BLTP3B: variants seen among roughly 807,000 people sequenced by gnomAD.
BLTP3B encodes UHRF1 (ICBP90) binding protein 1-like.
chr12:100,124,979 T>TATATATATATATAC, the BLTP3B span, among the ~76,000 whole-genome samples: 3 of 114,318 alleles, frequency 2.6e-5, no homozygotes. Context: ...TATATATATA[T>TATATATATATATAC]TTATATTTAT....
chr12:100,086,899 G>A, the BLTP3B span, among the ~76,000 whole-genome samples: 9 of 152,122 alleles, frequency 5.9e-5, no homozygotes, highest in Non-Finnish European at 1.0e-4. Flanking sequence ...GGTGGCTCAC[G>A]CCTGTCATCC....
At chr12:100,092,808 C>A in the BLTP3B span, 1 of 775,186 alleles carries the variant, frequency 1.3e-6, no homozygotes, top group Non-Finnish European at 1.6e-6. Context: ...CAAGTCTTAA[C>A]AGAATAGTAT....
the BLTP3B span, among the ~76,000 whole-genome samples, chr12:100,084,190 A>G: frequency 3.7e-3 from 560 of 151,996 alleles, 7 homozygotes; most frequent in African/African-American, 0.013. Context: ...CCCTGTCTCA[A>G]AGAAAAAAAA....
chr12:100,083,025 A>G, the BLTP3B span: 2 of 1,612,494 alleles, frequency 1.2e-6, no homozygotes, highest in African/African-American at 1.3e-5. Flanking sequence ...CCTGGTATAT[A>G]TTGAAATCTG....
the BLTP3B span, among the ~76,000 whole-genome samples, chr12:100,119,162 CAG>C: frequency 2.6e-5 from 4 of 151,872 alleles, no homozygotes. Flanking sequence ...TAGCAACAAT[CAG>C]AAACTGAATA....
At chr12:100,046,956 G>A in the BLTP3B span, among the ~76,000 whole-genome samples, 1 of 152,048 alleles carries the variant, frequency 6.6e-6, no homozygotes, top group East Asian at 1.9e-4. Flanking sequence ...AAGATCAAAG[G>A]CCTCTCTCAC....
At chr12:100,107,460 C>A in the BLTP3B span, among the ~76,000 whole-genome samples, 2 of 151,312 alleles carry the variant, frequency 1.3e-5, no homozygotes, top group East Asian at 3.9e-4. Flanking sequence ...ATGGTGAAAC[C>A]CCATCTCTAC....
the BLTP3B span, among the ~76,000 whole-genome samples, chr12:100,043,608 C>G: frequency 4.6e-5 from 7 of 152,290 alleles, no homozygotes; most frequent in African/African-American, 1.7e-4. Context: ...AATGCTGTTT[C>G]TATTTGCCAT....
the BLTP3B span, among the ~76,000 whole-genome samples, chr12:100,131,713 C>T: frequency 2.6e-5 from 4 of 152,116 alleles, no homozygotes; most frequent in African/African-American, 9.7e-5. Flanking sequence ...TATAACTACT[C>T]GATTTTCACT....
At chr12:100,081,148 G>A in the BLTP3B span, among the ~76,000 whole-genome samples, 2 of 152,100 alleles carry the variant, frequency 1.3e-5, no homozygotes, top group Non-Finnish European at 2.9e-5. Context: ...TGTATGTCTA[G>A]TAAACCTCTT....
chr12:100,074,668 A>C, the BLTP3B span, among the ~76,000 whole-genome samples: 1 of 152,136 alleles, frequency 6.6e-6, no homozygotes, highest in East Asian at 1.9e-4. Flanking sequence ...AACTACAAAC[A>C]TCATTTTGCA....
At chr12:100,066,574 A>T in the BLTP3B span, among the ~76,000 whole-genome samples, 1 of 151,922 alleles carries the variant, frequency 6.6e-6, no homozygotes, top group Non-Finnish European at 1.5e-5. Flanking sequence ...CAGCCAGATC[A>T]CAAGGTCAGG....
the BLTP3B span, chr12:100,058,902 G>A: frequency 1.9e-6 from 3 of 1,613,768 alleles, no homozygotes; most frequent in Admixed American, 1.7e-5. Context: ...TCTGAAAAAT[G>A]TATCTGATGA....
At chr12:100,050,211 T>C in the BLTP3B span, 3 of 1,596,344 alleles carry the variant, frequency 1.9e-6, no homozygotes, top group Non-Finnish European at 2.6e-6. Context: ...TGATATTGCC[T>C]AATTGGTCTG....
At chr12:100,040,706 C>CA in the BLTP3B span, among the ~76,000 whole-genome samples, 131 of 150,526 alleles carry the variant, frequency 8.7e-4, no homozygotes, top group South Asian at 0.015. Flanking sequence ...ACAACAACAA[C>CA]AAAAAAAAAC....
At chr12:100,097,696 AT>A in the BLTP3B span, among the ~76,000 whole-genome samples, 1 of 152,188 alleles carries the variant, frequency 6.6e-6, no homozygotes, top group African/African-American at 2.4e-5. Context: ...TCATATTCAT[AT>A]TCATCATATG....
the BLTP3B span, among the ~76,000 whole-genome samples, chr12:100,127,746 T>C: frequency 6.6e-6 from 1 of 152,128 alleles, no homozygotes; most frequent in African/African-American, 2.4e-5. Context: ...AGCATGCTGG[T>C]GCATACCTGT....
chr12:100,117,305 C>T, the BLTP3B span, among the ~76,000 whole-genome samples: 2 of 152,068 alleles, frequency 1.3e-5, no homozygotes, highest in South Asian at 4.1e-4. Context: ...ACGTCAACAT[C>T]GGCAATAAGA....
chr12:100,043,120 T>G, the BLTP3B span, among the ~76,000 whole-genome samples: 1 of 152,216 alleles, frequency 6.6e-6, no homozygotes, highest in Non-Finnish European at 1.5e-5. Flanking sequence ...ATTTTTAAAT[T>G]AAGCTATGTA....
Sources: allele counts gnomAD v4.1 joint callset (sites outside exome capture counted in the v4.1 genomes callset), GRCh38; gene constraint gnomAD v4.1.1; transcripts MANE v1.5; gene names NCBI Gene and HGNC (gene_info 2026-07-23, HGNC 2026-07-21).